SGCZ: variants seen among roughly 807,000 people sequenced by gnomAD.
SGCZ encodes zeta-sarcoglycan.
A neutral mutation model predicts 41.3 loss-of-function variants in SGCZ; 40 were observed. The ratio of observed to expected loss-of-function variants is 0.97; its 90% CI spans 0.75 to 1.26. The LOEUF is 1.26. SGCZ is among the 50% of genes most tolerant of loss of function. SGCZ has a pLI of 0.00. For missense variants in SGCZ, 552 were observed against 369.8 expected (o/e 1.49, Z -4.04); for synonymous variants, 206 against 137.5 (o/e 1.50, Z -3.49).
intron 1 of SGCZ, among the ~76,000 whole-genome samples, chr8:15,116,776 C>CATGTCATTGCTAACA (rs1245203924): frequency 2.6e-5 from 4 of 152,206 alleles, no homozygotes; most frequent in African/African-American, 9.6e-5. Flanking sequence ...TCTTTCCTAA[C>CATGTCATTGCTAACA]ATGTCAGCAA....
intron 2 of SGCZ, among the ~76,000 whole-genome samples, chr8:14,493,320 G>T (rs966119834): frequency 6.8e-5 from 9 of 132,862 alleles, no homozygotes; most frequent in African/African-American, 2.5e-4. Flanking sequence ...TCTGGACTTT[G>T]GTCTTCTTAT....
At chr8:14,974,639 T>A (rs1801405924) in intron 1 of SGCZ, among the ~76,000 whole-genome samples, 1 of 152,122 alleles carries the variant, frequency 6.6e-6, no homozygotes, top group Non-Finnish European at 1.5e-5. Context: ...CCCCAGCATG[T>A]TCCAAGGTGT....
At chr8:14,916,317 C>G (rs1390061522) in intron 1 of SGCZ, among the ~76,000 whole-genome samples, 1 of 152,024 alleles carries the variant, frequency 6.6e-6, no homozygotes, top group Non-Finnish European at 1.5e-5. Flanking sequence ...CACAGAAAAC[C>G]CAAATCACAT....
At chr8:14,929,167 G>A (rs770849258) in intron 1 of SGCZ, among the ~76,000 whole-genome samples, 1 of 151,810 alleles carries the variant, frequency 6.6e-6, no homozygotes, top group Non-Finnish European at 1.5e-5. Flanking sequence ...AATTTTTGTA[G>A]TTTTTAGTAG....
intron 1 of SGCZ, among the ~76,000 whole-genome samples, chr8:14,633,520 C>T (rs529600612): frequency 1.9e-4 from 29 of 151,912 alleles, no homozygotes; most frequent in East Asian, 3.9e-4. Context: ...AGCAAGCATT[C>T]CTTTCTTTCT....
intron 3 of SGCZ, among the ~76,000 whole-genome samples, chr8:14,248,516 G>C (rs1305331463): frequency 2.7e-4 from 41 of 151,898 alleles, no homozygotes; most frequent in Admixed American, 2.3e-3. Context: ...TTATCTTGGT[G>C]GGAATTGGTA....
At chr8:14,632,596 C>G (rs1040716887) in intron 1 of SGCZ, among the ~76,000 whole-genome samples, 2 of 151,758 alleles carry the variant, frequency 1.3e-5, no homozygotes, top group Non-Finnish European at 2.9e-5. Flanking sequence ...AAAAACAATT[C>G]TTAGTTGAAT....
intron 2 of SGCZ, among the ~76,000 whole-genome samples, chr8:14,445,862 C>T (rs1409064178): frequency 1.3e-5 from 2 of 152,052 alleles, no homozygotes; most frequent in African/African-American, 2.4e-5. Flanking sequence ...CTGCTGGTGC[C>T]CAGAGCTGCC....
chr8:14,408,555 A>T (rs989371395), intron 2 of SGCZ, among the ~76,000 whole-genome samples: 1 of 152,108 alleles, frequency 6.6e-6, no homozygotes, highest in Non-Finnish European at 1.5e-5. Flanking sequence ...TTAGGTCGCA[A>T]TTCTTTTCCA....
At chr8:14,595,846 T>C (rs188471527) in intron 1 of SGCZ, among the ~76,000 whole-genome samples, 1 of 152,332 alleles carries the variant, frequency 6.6e-6, no homozygotes, top group East Asian at 1.9e-4. Flanking sequence ...AGAATGCAGC[T>C]GTGTCATGTG....
intron 1 of SGCZ, among the ~76,000 whole-genome samples, chr8:14,640,527 T>C (rs1806985967): frequency 6.6e-6 from 1 of 151,776 alleles, no homozygotes; most frequent in Non-Finnish European, 1.5e-5. Flanking sequence ...ATAATGTATC[T>C]TCGTGAATAT....
intron 4 of SGCZ, among the ~76,000 whole-genome samples, chr8:14,201,541 G>A (rs1476317956): frequency 6.6e-6 from 1 of 152,144 alleles, no homozygotes; most frequent in African/African-American, 2.4e-5. Context: ...GCTACATATT[G>A]TGTGATTGTA....
intron 1 of SGCZ, among the ~76,000 whole-genome samples, chr8:14,708,249 T>C (rs1809394365): frequency 1.3e-5 from 2 of 152,052 alleles, no homozygotes; most frequent in South Asian, 4.1e-4. Context: ...TATTAGTACA[T>C]TCAATTTCTT....
intron 1 of SGCZ, among the ~76,000 whole-genome samples, chr8:15,132,707 A>C (rs1563142746): frequency 6.6e-6 from 1 of 152,184 alleles, no homozygotes; most frequent in African/African-American, 2.4e-5. Context: ...CAGTTGCTAC[A>C]TTTTTGGTAG....
chr8:14,119,027 ATTG>A (rs1394965092), intron 5 of SGCZ, among the ~76,000 whole-genome samples: 1 of 152,062 alleles, frequency 6.6e-6, no homozygotes, highest in African/African-American at 2.4e-5. Flanking sequence ...TTTACTTAGG[ATTG>A]TCTTGGCTAC....
chr8:14,994,425 A>T (rs1326644922), intron 1 of SGCZ, among the ~76,000 whole-genome samples: 4 of 152,128 alleles, frequency 2.6e-5, no homozygotes, highest in African/African-American at 4.8e-5. Context: ...CTCTACTAAA[A>T]TACAAACAAT....
At chr8:14,337,746 A>G (rs1372131097) in intron 2 of SGCZ, among the ~76,000 whole-genome samples, 1 of 152,168 alleles carries the variant, frequency 6.6e-6, no homozygotes, top group Non-Finnish European at 1.5e-5. Flanking sequence ...CTGGGTGAGA[A>G]TGATACAAGA....
At chr8:14,717,963 G>A (rs911714787) in intron 1 of SGCZ, among the ~76,000 whole-genome samples, 9 of 142,532 alleles carry the variant, frequency 6.3e-5, no homozygotes, top group Admixed American at 5.7e-4. Context: ...CAACTTGCTA[G>A]TAGAACCTGG....
At chr8:14,580,984 T>C (rs914668467) in intron 1 of SGCZ, among the ~76,000 whole-genome samples, 4 of 152,236 alleles carry the variant, frequency 2.6e-5, no homozygotes, top group East Asian at 3.9e-4. Flanking sequence ...TAAATGCCTT[T>C]CTTGAGAACC....
Sources: gnomAD v4.1 joint callset for allele counts (sites outside exome capture counted in the v4.1 genomes callset) on GRCh38, gnomAD v4.1.1 for gene constraint, MANE v1.5 for transcripts, NCBI Gene and HGNC (gene_info 2026-07-23, HGNC 2026-07-21) for gene names.